Variants in JDP2 observed in about 807,000 individuals in gnomAD.
The protein encoded by JDP2 is Jun dimerization protein 2, also known as progesterone receptor co-activator.
In JDP2, 9 loss-of-function variants were observed where a neutral mutation model predicts 17.1. The ratio of observed to expected loss-of-function variants is 0.53; its 90% CI spans 0.32 to 0.92. JDP2 has a LOEUF of 0.92. Ranked by LOEUF, JDP2 falls within the 40% of genes least tolerant of loss-of-function variation. JDP2 has a pLI of 0.04. For missense variants in JDP2, 179 were observed against 220.0 expected (o/e 0.81, Z 1.18); for synonymous variants, 107 against 95.6 (o/e 1.12, Z -0.69).
intron 2 of JDP2, among the ~76,000 whole-genome samples, chr14:75,448,893 C>T: frequency 6.6e-6 from 1 of 152,212 alleles, no homozygotes; most frequent in Non-Finnish European, 1.5e-5. Flanking sequence ...CTCTATCTGC[C>T]TCAGTGTGGC....
Position 75,469,568 on chromosome 14 carries a change from G to A in JDP2, c.*93G>A. Reference sequence around the variant, plus strand: ...GGGGGCCCCAGATGGCCCTTCCTTTGGTGCATGAAAAACTGTACAATGAGG... The same window carrying A: ...GGGGGCCCCAGATGGCCCTTCCTTTAGTGCATGAAAAACTGTACAATGAGG... On this transcript the variant is annotated 3_prime_UTR_variant, in exon 4 of 4. Transcript: ENST00000651602. 2.7e-6 allele frequency: 3 copies of A among 1,131,864 alleles called. No homozygotes were observed. In the Admixed American group the frequency reaches 7.5e-5, roughly 28 times the overall value. 70.1% of individuals were successfully genotyped at this position (1,131,864 alleles called of 1,614,324 possible).
intron 3 of JDP2, among the ~76,000 whole-genome samples, chr14:75,468,988 T>C (rs1204063242): frequency 6.6e-6 from 1 of 152,222 alleles, no homozygotes; most frequent in Non-Finnish European, 1.5e-5. Flanking sequence ...ATTTGGCATA[T>C]TTGAGCAACA....
chr14:75,438,163 T>A lies in JDP2; in HGVS notation c.201+42T>A, dbSNP rs969540808. The A allele has an allele frequency of 6.1e-6, 9 of 1,476,126 alleles. No individual in the cohort carries two copies. The African/African-American group carries it at 1.3e-4, about 21-fold the overall frequency. The allele number at this position is 1,476,126 out of a possible 1,614,324, so 91.4% of individuals were successfully genotyped here. A position where few individuals can be genotyped will look rare whatever the true frequency, so the allele number is the denominator to read the frequency against. ...CCCCTGGCAGATTCCAGGTCTGGCC[T>A]TAAACCCACCATGGGACCTTAACCT... On this transcript the variant is annotated intron_variant, in intron 2 of 3. Transcript: ENST00000651602.
chr14:75,431,876 C>G (rs918899782), intron 1 of JDP2, among the ~76,000 whole-genome samples: 5 of 152,368 alleles, frequency 3.3e-5, no homozygotes, highest in Admixed American at 1.3e-4. Flanking sequence ...TGACTTCACT[C>G]TTACTATGTG....
chr14:75,441,196 G>T (rs1413233632), intron 2 of JDP2, among the ~76,000 whole-genome samples: 1 of 152,220 alleles, frequency 6.6e-6, no homozygotes, highest in East Asian at 1.9e-4. Context: ...AGCTCTGTCA[G>T]AGCTGGTTCT....
rs1346408986 is a variant in JDP2, at chr14:75,470,774, A to G, written c.*1299A>G. 1.3e-5 allele frequency: 2 copies of G among 152,278 alleles called. No homozygotes were observed. The highest frequency in any genetic ancestry group is 4.8e-5 in the African/African-American group (2 of 41,474). The allele number at this position is 152,278 out of a possible 1,614,324, so 9.4% of individuals were successfully genotyped here. A position where few individuals can be genotyped will look rare whatever the true frequency, so the allele number is the denominator to read the frequency against. ...AAGGAGTGAATCCTGTGCTTGCTCC[A>G]TAAGTTGTCTCATTTCGTCTTCATG... On this transcript the variant is annotated 3_prime_UTR_variant, in exon 4 of 4. Transcript: ENST00000651602.
At chr14:75,449,706 C>T (rs1885764393) in intron 2 of JDP2, among the ~76,000 whole-genome samples, 1 of 152,200 alleles carries the variant, frequency 6.6e-6, no homozygotes, top group Non-Finnish European at 1.5e-5. Context: ...CAGCAAAAGA[C>T]ATCCTTCCCC....
chr14:75,429,829 T>G (rs1248373595), intron 1 of JDP2, among the ~76,000 whole-genome samples: 1 of 152,234 alleles, frequency 6.6e-6, no homozygotes, highest in African/African-American at 2.4e-5. Context: ...GGTTCAGAGC[T>G]GCAGGCAGCT....
intron 2 of JDP2, among the ~76,000 whole-genome samples, chr14:75,443,053 C>T (rs1885427338): frequency 6.6e-6 from 1 of 152,116 alleles, no homozygotes; most frequent in Non-Finnish European, 1.5e-5. Context: ...GTGGATTTCA[C>T]ATTGGCGATT....
chr14:75,433,616 T>C (rs1884923197), intron 1 of JDP2, among the ~76,000 whole-genome samples: 1 of 151,170 alleles, frequency 6.6e-6, no homozygotes, highest in Non-Finnish European at 1.5e-5. Flanking sequence ...CAAGTTGGCT[T>C]TCAGGGAGCT....
Position 75,469,271 on chromosome 14 carries a change from C to T in JDP2, c.307-19C>T. The T allele has an allele frequency of 1.2e-6, 2 of 1,608,164 alleles. No homozygotes were observed. Among genetic ancestry groups the T allele is most frequent in the Non-Finnish European group, 1.7e-6 (2 of 1,175,860 alleles). On this transcript the variant is annotated intron_variant, in intron 3 of 3. Coordinates refer to ENST00000651602, the MANE Select transcript of JDP2 (RefSeq NM_001135048.2). ...CAGTCCCCGTGAAACTCACAGCGTG[C>T]TTCTGTGTTGGTATACAGGAATCCG...
intron 2 of JDP2, among the ~76,000 whole-genome samples, chr14:75,441,984 C>G (rs1057246409): frequency 6.6e-6 from 1 of 151,968 alleles, no homozygotes; most frequent in African/African-American, 2.4e-5. Flanking sequence ...CACATAGACA[C>G]ACCAGACACT....
At chr14:75,446,411 A>T (rs796571323) in intron 2 of JDP2, among the ~76,000 whole-genome samples, 1 of 152,242 alleles carries the variant, frequency 6.6e-6, no homozygotes, top group African/African-American at 2.4e-5. Flanking sequence ...TCAAATGTCC[A>T]TGAATTGGTG....
chr14:75,434,182 A>C (rs1273265581), intron 1 of JDP2, among the ~76,000 whole-genome samples: 1 of 151,924 alleles, frequency 6.6e-6, no homozygotes, highest in Non-Finnish European at 1.5e-5. Context: ...AAATCACATC[A>C]AATTGTTTTA....
Position 75,473,191 on chromosome 14 carries a change from T to A in JDP2, c.*3716T>A, listed in dbSNP as rs1018059440. 4 of 152,118 alleles carry A rather than the reference T, an allele frequency of 2.6e-5. No homozygotes were observed. The highest frequency in any genetic ancestry group is 9.7e-5 in the African/African-American group (4 of 41,436). The allele number at this position is 152,118 out of a possible 1,614,324, so 9.4% of individuals were successfully genotyped here. ...TGTCTCTACTAATAATACAAAAAATTAGCCGGGCATGGTGGCACGTGCCTG... is the reference window on the plus strand; with the variant it reads ...TGTCTCTACTAATAATACAAAAAATAAGCCGGGCATGGTGGCACGTGCCTG... On this transcript the variant is annotated 3_prime_UTR_variant, in exon 4 of 4. Coordinates refer to ENST00000651602, the MANE Select transcript of JDP2 (RefSeq NM_001135048.2).
chr14:75,451,154 C>G (rs570231685), intron 2 of JDP2, among the ~76,000 whole-genome samples: 1 of 152,258 alleles, frequency 6.6e-6, no homozygotes, highest in South Asian at 2.1e-4. Flanking sequence ...GAGCTTGGGC[C>G]TCATCCGGAG....
chr14:75,469,343 G>C lies in JDP2; in HGVS notation c.360G>C (p.Glu120Asp), dbSNP rs368462172. ...MNAELKTQIE[E>D]LKQERQQLIL... ...CAGAGCTGAAGACCCAGATTGAGGA[G>C]CTGAAGCAGGAGCGGCAGCAGCTCA... is the stretch of plus-strand genomic sequence containing the variant. The change falls in exon 4 of 4, where the codon GAG becomes GAC. Residue 120 changes from glutamate (E) to aspartate (D), a missense_variant. Glu to Asp is a conservative substitution (Grantham distance 45, BLOSUM62 2). Coordinates refer to ENST00000651602, the MANE Select transcript of JDP2 (RefSeq NM_001135048.2). The C allele has an allele frequency of 2.5e-6, 4 of 1,614,076 alleles. No individual in the cohort carries two copies. The African/African-American group carries it at 4.0e-5, about 16-fold the overall frequency.
intron 1 of JDP2, among the ~76,000 whole-genome samples, chr14:75,435,758 G>C (rs565185194): frequency 7.9e-5 from 12 of 152,294 alleles, no homozygotes; most frequent in African/African-American, 2.9e-4. Flanking sequence ...ATCTTTTTCT[G>C]ATGGCCCAGG....
chr14:75,452,511 C>T (rs1339905471), intron 2 of JDP2, among the ~76,000 whole-genome samples: 1 of 152,228 alleles, frequency 6.6e-6, no homozygotes, highest in African/African-American at 2.4e-5. Flanking sequence ...CCACTAGGGT[C>T]AGCTGACTGC....
Sources: allele counts gnomAD v4.1 joint callset (sites outside exome capture counted in the v4.1 genomes callset), GRCh38; gene constraint gnomAD v4.1.1; transcripts MANE v1.5; gene names NCBI Gene and HGNC (gene_info 2026-07-23, HGNC 2026-07-21).